HSD17B2: variants seen among roughly 807,000 people sequenced by gnomAD.
The protein encoded by HSD17B2 is hydroxysteroid 17-beta dehydrogenase 2, also known as 17-beta-hydroxysteroid dehydrogenase type 2.
In HSD17B2, 32 loss-of-function variants were observed where a neutral mutation model predicts 26.9. The observed-to-expected ratio is 1.19, with a 90% CI of 0.90 to 1.60. The LOEUF is 1.60. Among genes scored for constraint, HSD17B2 ranks in the 40% most tolerant of loss-of-function variants. The probability of loss-of-function intolerance (pLI) is 0.00; values close to 1 mark genes in which losing one functional copy is unlikely to be tolerated. For synonymous variants in HSD17B2, 246 were observed against 186.7 expected, an observed-to-expected ratio of 1.32 and a Z score of -2.59; for missense variants, 613 against 468.6, an observed-to-expected ratio of 1.31 and a Z score of -2.85.
rs144715929 is a variant in HSD17B2, at chr16:82,068,231, A to G, written c.327A>G (p.Val109=). The G allele has an allele frequency of 4.0e-5, 64 of 1,613,586 alleles. 1 individual carries two copies. The highest frequency in any genetic ancestry group is 3.1e-4 in the South Asian group (28 of 91,058). Residue 109 remains valine, a synonymous_variant, in exon 2 of 5, where the codon GTA becomes GTG. Transcript: ENST00000199936. The part of the protein sequence containing the change: ...CKYLDELGFT[V]FAGVLNENGP... Reference sequence around the variant, plus strand: ...ATCTGGATGAGCTGGGCTTCACGGTATTTGCCGGAGTTTTGAATGAAAATG... The same window carrying G: ...ATCTGGATGAGCTGGGCTTCACGGTGTTTGCCGGAGTTTTGAATGAAAATG...
chr16:82,063,459 G>T (rs1001126134), intron 1 of HSD17B2, among the ~76,000 whole-genome samples: 1 of 151,988 alleles, frequency 6.6e-6, no homozygotes, highest in Non-Finnish European at 1.5e-5. Flanking sequence ...GGCTAGACTC[G>T]CACCCATTCG....
chr16:82,050,807 GTTTTGTTTTTGT>G (rs957087630), intron 1 of HSD17B2, among the ~76,000 whole-genome samples: 2 of 152,072 alleles, frequency 1.3e-5, no homozygotes, highest in Admixed American at 6.5e-5. Context: ...TCATGCTTTT[GTTTTGTTTTTGT>G]TTTTGTTTTT....
In HSD17B2 at chr16:82,057,264, T is replaced by C. The variant is rs556464018; in HGVS notation, c.266-10906T>C. On this transcript the variant is annotated intron_variant, in intron 1 of 4. Coordinates refer to ENST00000199936, the MANE Select transcript of HSD17B2 (RefSeq NM_002153.3). Reference sequence around the variant, plus strand: ...ACCAGGCTAGAGTGCAGTGGCGCAATCTCGGCTCACTGCAAGCTCCGCCTC... The same window carrying C: ...ACCAGGCTAGAGTGCAGTGGCGCAACCTCGGCTCACTGCAAGCTCCGCCTC... 5.3e-5 allele frequency among the ~76,000 whole-genome samples: 8 copies of C among 151,796 alleles called. No homozygotes were observed. The South Asian group carries it at 1.5e-3, about 28-fold the overall frequency.
At chr16:82,062,744 T>G (rs1277833723) in intron 1 of HSD17B2, among the ~76,000 whole-genome samples, 1 of 152,258 alleles carries the variant, frequency 6.6e-6, no homozygotes, top group African/African-American at 2.4e-5. Flanking sequence ...TTGGTGTGCT[T>G]ATTTTCAAAC....
chr16:82,098,324 C>A lies in HSD17B2; in HGVS notation c.1052C>A (p.Ala351Asp), dbSNP rs747130818. The change falls in exon 5 of 5, where the codon GCT (alanine) becomes GAT (aspartate). Residue 351 changes from alanine (A) to aspartate (D), a missense_variant. Transcript: ENST00000199936. ...GKGAYLWICL[A>D]HYLPIGIYDY... Reference sequence around the variant, plus strand: ...GGCGCTTACTTGTGGATCTGCCTTGCTCACTATTTGCCTATTGGCATATAT... The same window carrying A: ...GGCGCTTACTTGTGGATCTGCCTTGATCACTATTTGCCTATTGGCATATAT... 6.8e-6 allele frequency: 11 copies of A among 1,614,206 alleles called. No individual in the cohort carries two copies. In the African/African-American group the frequency reaches 8.0e-5, roughly 12 times the overall value.
chr16:82,066,217 C>T (rs1914568599), intron 1 of HSD17B2, among the ~76,000 whole-genome samples: 1 of 152,190 alleles, frequency 6.6e-6, no homozygotes, highest in Admixed American at 6.5e-5. Flanking sequence ...CTCTGGCCAG[C>T]CCCAGGGAGG....
At chr16:82,073,676 C>A (rs1165156846) in intron 3 of HSD17B2, among the ~76,000 whole-genome samples, 2 of 152,008 alleles carry the variant, frequency 1.3e-5, no homozygotes, top group Admixed American at 1.3e-4. Flanking sequence ...AGGAAGACTA[C>A]AAAACACTGC....
At chr16:82,059,419 C>A (rs760980012) in intron 1 of HSD17B2, among the ~76,000 whole-genome samples, 1 of 152,188 alleles carries the variant, frequency 6.6e-6, no homozygotes, top group Non-Finnish European at 1.5e-5. Flanking sequence ...GCTCTCAATC[C>A]TGGCTGAAGT....
At chr16:82,051,736 T>C (rs988657590) in intron 1 of HSD17B2, among the ~76,000 whole-genome samples, 11 of 151,730 alleles carry the variant, frequency 7.2e-5, no homozygotes. Context: ...TAAAGTAAAA[T>C]AAAAAAAGAA....
At chr16:82,089,797 T>C (rs2142365748) in intron 3 of HSD17B2, among the ~76,000 whole-genome samples, 1 of 152,258 alleles carries the variant, frequency 6.6e-6, no homozygotes, top group Middle Eastern at 3.4e-3. Flanking sequence ...TCTTTTTCTG[T>C]CTCTGATAAG....
At chr16:82,071,282 A>G (rs1413547136) in intron 3 of HSD17B2, 155 bp downstream of exon 3, 1 of 727,410 alleles carries the variant, frequency 1.4e-6, no homozygotes, top group Non-Finnish European at 2.5e-6. Flanking sequence ...TATCACAATA[A>G]AACCTTTCTC....
rs116523778 is a variant in HSD17B2 at position 82,052,692 on chromosome 16, T to C, written c.266-15478T>C. On this transcript the variant is annotated intron_variant, in intron 1 of 4. Transcript: ENST00000199936. ...ATTTTTTTATGCTCAAAACTCACAATCCAGGGAAAAATATCCTTTCTCTTA... is the reference window on the plus strand; with the variant it reads ...ATTTTTTTATGCTCAAAACTCACAACCCAGGGAAAAATATCCTTTCTCTTA... Among the ~76,000 whole-genome samples, 486 of 152,276 alleles carry C rather than the reference T, an allele frequency of 3.2e-3. 3 individuals are homozygous for C. Among genetic ancestry groups the C allele is most frequent in the African/African-American group, 0.011 (450 of 41,540 alleles).
At chr16:82,088,636 A>G (rs1475168624) in intron 3 of HSD17B2, among the ~76,000 whole-genome samples, 1 of 152,204 alleles carries the variant, frequency 6.6e-6, no homozygotes, top group Non-Finnish European at 1.5e-5. Flanking sequence ...TGTGATTTTG[A>G]ACAAGTTGCT....
chr16:82,057,781 T>G (rs1027400068), intron 1 of HSD17B2, among the ~76,000 whole-genome samples: 2 of 152,122 alleles, frequency 1.3e-5, no homozygotes, highest in African/African-American at 2.4e-5. Flanking sequence ...CAAATTCAAA[T>G]AGAGAGGCGT....
intron 1 of HSD17B2, among the ~76,000 whole-genome samples, chr16:82,037,848 G>A (rs2040697602): frequency 6.6e-6 from 1 of 152,122 alleles, no homozygotes; most frequent in African/African-American, 2.4e-5. Flanking sequence ...ATAGATTCCT[G>A]GGCTGGGCAA....
At chr16:82,054,386 C>T (rs756429220) in intron 1 of HSD17B2, among the ~76,000 whole-genome samples, 21 of 151,910 alleles carry the variant, frequency 1.4e-4, no homozygotes, top group Admixed American at 7.2e-4. Flanking sequence ...GCTGTGTCAC[C>T]CAGGCTGGAG....
chr16:82,050,300 C>A (rs972732853), intron 1 of HSD17B2, among the ~76,000 whole-genome samples: 1 of 151,940 alleles, frequency 6.6e-6, no homozygotes, highest in Non-Finnish European at 1.5e-5. Context: ...CCCAAGAACT[C>A]CCCTTCATTC....
rs142486341 is a variant in HSD17B2 at position 82,064,544 on chromosome 16, G to A, written c.266-3626G>A. On this transcript the variant is annotated intron_variant, in intron 1 of 4. Transcript: ENST00000199936. ...CACCTAGGAGCAGAATTGCTAGGTC[G>A]TCTGGTGACATTATGTTTAACCTTT... Among the ~76,000 whole-genome samples, 357 of 152,246 alleles carry A rather than the reference G, an allele frequency of 2.3e-3. 2 individuals are homozygous for A. The highest frequency in any genetic ancestry group is 6.8e-3 in the African/African-American group (281 of 41,548).
intron 1 of HSD17B2, among the ~76,000 whole-genome samples, chr16:82,040,190 CTCACGTGAGTGA>C (rs766702357): frequency 7.2e-5 from 11 of 152,202 alleles, no homozygotes; most frequent in Admixed American, 2.0e-4. Flanking sequence ...AAGAAAGTGT[CTCACGTGAGTGA>C]TCATCCCTTC....
Sources: allele counts gnomAD v4.1 joint callset (sites outside exome capture counted in the v4.1 genomes callset), GRCh38; gene constraint gnomAD v4.1.1; transcripts MANE v1.5; gene names NCBI Gene and HGNC (gene_info 2026-07-23, HGNC 2026-07-21).